Variants in TASP1 observed in about 807,000 individuals in gnomAD.
TASP1 encodes taspase 1.
A neutral mutation model predicts 56.6 loss-of-function variants in TASP1; 16 were observed. That is an observed-to-expected ratio of 0.28 (90% CI 0.19 to 0.43). The LOEUF (loss-of-function observed/expected upper bound fraction) is 0.43, where lower values mean the gene tolerates loss of function less well. TASP1 is among the 20% of genes least tolerant of loss of function. TASP1 has a pLI of 1.00. For missense variants in TASP1, 393 were observed against 511.6 expected, an observed-to-expected ratio of 0.77 and a Z score of 2.24; for synonymous variants, 179 against 184.2, an observed-to-expected ratio of 0.97 and a Z score of 0.23.
intron 11 of TASP1, among the ~76,000 whole-genome samples, chr20:13,478,168 G>T (rs532737175): frequency 8.5e-5 from 13 of 152,172 alleles, no homozygotes; most frequent in African/African-American, 2.9e-4. Context: ...TAGTTATAAT[G>T]ATTTAAAATT....
At chr20:13,521,524 T>A (rs2044753881) in intron 10 of TASP1, among the ~76,000 whole-genome samples, 1 of 150,924 alleles carries the variant, frequency 6.6e-6, no homozygotes, top group South Asian at 2.1e-4. Context: ...CAGCAAACTA[T>A]CGCAAGGACA....
At chr20:13,299,252 G>A in the TASP1 span, 1 of 1,605,380 alleles carries the variant, frequency 6.2e-7, no homozygotes, top group South Asian at 1.1e-5. This position sits in a 1 kb window ranked among gnomAD's most constrained non-coding sequence, Gnocchi z 5.8. Context: ...TCATCACCAG[G>A]GGCAAGGGGG....
chr20:13,501,837 T>G (rs1024826068), intron 10 of TASP1, among the ~76,000 whole-genome samples: 9 of 152,038 alleles, frequency 5.9e-5, no homozygotes, highest in Non-Finnish European at 1.3e-4. Context: ...AAAAAACATA[T>G]AGCAGACAAG....
At chr20:13,158,428 C>T in the TASP1 span, among the ~76,000 whole-genome samples, 4 of 152,134 alleles carry the variant, frequency 2.6e-5, no homozygotes, top group Non-Finnish European at 4.4e-5. Context: ...TTTGGCAAAA[C>T]GTGCTTCCTT....
chr20:13,252,137 A>G, the TASP1 span, among the ~76,000 whole-genome samples: 3 of 152,174 alleles, frequency 2.0e-5, no homozygotes, highest in South Asian at 2.1e-4. Flanking sequence ...TTAAGACACA[A>G]GAGTGTGAAT....
At chr20:13,321,685 T>C in the TASP1 span, among the ~76,000 whole-genome samples, 1 of 152,248 alleles carries the variant, frequency 6.6e-6, no homozygotes, top group African/African-American at 2.4e-5. Flanking sequence ...GTGAAGCTGA[T>C]GAATGACTGC....
At chr20:13,282,552 C>T in the TASP1 span, among the ~76,000 whole-genome samples, 1 of 152,182 alleles carries the variant, frequency 6.6e-6, no homozygotes, top group Non-Finnish European at 1.5e-5. Flanking sequence ...GCCACCCTCA[C>T]CCCCAGCCTC....
At chr20:13,496,395 C>T (rs2043730026) in intron 10 of TASP1, among the ~76,000 whole-genome samples, 1 of 151,724 alleles carries the variant, frequency 6.6e-6, no homozygotes, top group African/African-American at 2.4e-5. Context: ...CCATGAACTA[C>T]AGTGATACTA....
the TASP1 span, among the ~76,000 whole-genome samples, chr20:13,261,067 G>T: frequency 6.6e-6 from 1 of 152,146 alleles, no homozygotes; most frequent in Non-Finnish European, 1.5e-5. Context: ...CAATCCTAAG[G>T]CACAAGTGCT....
the TASP1 span, among the ~76,000 whole-genome samples, chr20:13,221,468 C>G: frequency 1.4e-5 from 2 of 145,564 alleles, no homozygotes; most frequent in African/African-American, 2.5e-5. Context: ...GTCTCCGTCT[C>G]CGCCGCCGCC....
chr20:13,117,460 C>A, the TASP1 span: 2 of 1,513,280 alleles, frequency 1.3e-6, no homozygotes, highest in Non-Finnish European at 1.8e-6. Context: ...ACAGAGCTTC[C>A]CAGGAGGGTA....
Position 13,623,517 on chromosome 20 carries a change from A to G in TASP1, c.214-3T>C, listed in dbSNP as rs762805316. On this transcript the variant is annotated splice_polypyrimidine_tract_variant and splice_region_variant and intron_variant, in intron 3 of 13. Transcript: ENST00000337743. ...CCGGCCTGCAGCTTTTCAATTGCCTATGAAACCAAGGGGAGAGATTATTCA... is the reference window on the plus strand; with the variant it reads ...CCGGCCTGCAGCTTTTCAATTGCCTGTGAAACCAAGGGGAGAGATTATTCA... 6 of 1,586,166 alleles carry G rather than the reference A, an allele frequency of 3.8e-6. No individual in the cohort carries two copies. In the East Asian group the frequency reaches 1.3e-4, roughly 36 times the overall value.
the TASP1 span, among the ~76,000 whole-genome samples, chr20:13,331,932 G>A: frequency 6.6e-6 from 1 of 152,086 alleles, no homozygotes; most frequent in Non-Finnish European, 1.5e-5. Context: ...GTTTGGGTCA[G>A]GATGCAAATG....
At chr20:13,117,818 C>A in the TASP1 span, 2 of 1,158,146 alleles carry the variant, frequency 1.7e-6, no homozygotes, top group South Asian at 1.5e-5. Flanking sequence ...AGCTTCAATT[C>A]AGTTCACCAC....
chr20:13,298,293 G>A, the TASP1 span, among the ~76,000 whole-genome samples: 1 of 152,032 alleles, frequency 6.6e-6, no homozygotes, highest in Non-Finnish European at 1.5e-5. Context: ...TTTTAGTAGA[G>A]ACGGGGTTTC....
chr20:13,526,643 C>T (rs1315220788), intron 10 of TASP1, among the ~76,000 whole-genome samples: 1 of 152,118 alleles, frequency 6.6e-6, no homozygotes, highest in Non-Finnish European at 1.5e-5. Flanking sequence ...TCCTGATAGG[C>T]CAATGGCTCA....
the TASP1 span, chr20:13,292,344 A>T: frequency 7.0e-7 from 1 of 1,426,802 alleles, no homozygotes. Context: ...CCATGTAATG[A>T]TGGAAAAATG....
chr20:13,188,814 G>A, the TASP1 span, among the ~76,000 whole-genome samples: 744 of 152,268 alleles, frequency 4.9e-3, 12 homozygotes, highest in African/African-American at 0.016. Context: ...CTGCATTTGA[G>A]TCCTCATGGA....
chr20:13,574,186 A>G (rs1029801007), intron 6 of TASP1, among the ~76,000 whole-genome samples: 1 of 152,140 alleles, frequency 6.6e-6, no homozygotes, highest in Non-Finnish European at 1.5e-5. Context: ...TGCTCCCACC[A>G]GCCAAAGTAA....
Sources: allele counts gnomAD v4.1 joint callset (sites outside exome capture counted in the v4.1 genomes callset), GRCh38; gene constraint gnomAD v4.1.1; non-coding constraint Gnocchi (gnomAD v3.1); transcripts MANE v1.5; gene names NCBI Gene and HGNC (gene_info 2026-07-23, HGNC 2026-07-21).